PNOC: variants seen among roughly 807,000 people sequenced by gnomAD.
PNOC encodes the protein nociceptin.
A neutral mutation model predicts 15.6 loss-of-function variants in PNOC; 10 were observed. The ratio of observed to expected loss-of-function variants is 0.64; its 90% CI spans 0.40 to 1.09. The LOEUF is 1.09. Among genes scored for constraint, PNOC ranks in the 50% least tolerant of loss-of-function variants. The pLI, the probability that PNOC is intolerant of heterozygous loss-of-function variation, is 0.01. For missense variants in PNOC, 220 were observed against 223.9 expected (o/e 0.98, Z 0.11); for synonymous variants, 98 against 88.5 (o/e 1.11, Z -0.60).
At chr8:28,338,771 C>T (rs1801457998) in intron 2 of PNOC, 2 of 1,181,498 alleles carry the variant, frequency 1.7e-6, no homozygotes, top group South Asian at 3.8e-5. Context: ...CCTATGTTAA[C>T]GTGCTGTGAC....
chr8:28,320,850 C>CA (rs900121827), intron 1 of PNOC, among the ~76,000 whole-genome samples: 1,006 of 57,440 alleles, frequency 0.018, 5 homozygotes, highest in South Asian at 0.023. Flanking sequence ...GACTCCATCT[C>CA]AAAAAAAAAA....
chr8:28,320,103 T>TC (rs1801125192), intron 1 of PNOC, among the ~76,000 whole-genome samples: 1 of 129,392 alleles, frequency 7.7e-6, no homozygotes, highest in Non-Finnish European at 1.6e-5. Context: ...TTTTTTTTTT[T>TC]TTTTTTTTTT....
intron 1 of PNOC, among the ~76,000 whole-genome samples, chr8:28,328,587 A>G (rs1214153982): frequency 2.0e-5 from 3 of 152,162 alleles, no homozygotes; most frequent in South Asian, 2.1e-4. Context: ...CATTTGAGTC[A>G]TTAATAAATG....
chr8:28,325,079 G>T (rs1462317836), intron 1 of PNOC, among the ~76,000 whole-genome samples: 1 of 152,188 alleles, frequency 6.6e-6, no homozygotes, highest in Non-Finnish European at 1.5e-5. Flanking sequence ...GCTGTGATCG[G>T]AAGCAGGCAG....
At chr8:28,317,081 G>A (rs1178620048), upstream of PNOC, 1 of 152,418 alleles carries the variant, frequency 6.6e-6, no homozygotes, top group African/African-American at 2.4e-5. Flanking sequence ...ATGGATTGAT[G>A]GGGAGGTGGG....
chr8:28,333,219 T>G (rs1585835965), intron 2 of PNOC, among the ~76,000 whole-genome samples: 2 of 152,144 alleles, frequency 1.3e-5, no homozygotes, highest in African/African-American at 4.8e-5. Flanking sequence ...GCTCCTTTCA[T>G]CCCCAATGGG....
intron 2 of PNOC, among the ~76,000 whole-genome samples, chr8:28,331,314 T>G (rs1167177774): frequency 6.6e-6 from 1 of 152,194 alleles, no homozygotes; most frequent in Non-Finnish European, 1.5e-5. Context: ...ATCCACCGTG[T>G]TTCTCTCTGA....
chr8:28,335,386 G>T (rs1342208688), intron 2 of PNOC, among the ~76,000 whole-genome samples: 1 of 152,174 alleles, frequency 6.6e-6, no homozygotes, highest in Non-Finnish European at 1.5e-5. Context: ...AAATGCAAAG[G>T]TTGAATTATA....
chr8:28,324,663 A>C (rs963365572), intron 1 of PNOC, among the ~76,000 whole-genome samples: 5 of 152,214 alleles, frequency 3.3e-5, no homozygotes, highest in Non-Finnish European at 7.3e-5. Context: ...CAGGAGTTCG[A>C]GACCAGCTTG....
rs1301864775 is a variant in PNOC at position 28,343,063 on chromosome 8, G to T, written c.*169G>T. ...ATCCCGCAGGCTTCGTTTGCCTCCA[G>T]AACCTTCCCGTCTGATTGTTCCTCC... On this transcript the variant is annotated 3_prime_UTR_variant, in exon 4 of 4. Transcript: ENST00000301908. 7.9e-6 allele frequency: 7 copies of T among 880,752 alleles called. No individual in the cohort carries two copies. Among genetic ancestry groups the T allele is most frequent in the African/African-American group, 5.4e-5 (3 of 55,266 alleles). 54.6% of individuals were successfully genotyped at this position (880,752 alleles called of 1,614,324 possible). A position where few individuals can be genotyped will look rare whatever the true frequency, so the allele number is the denominator to read the frequency against.
In PNOC at chr8:28,339,415, C is replaced by T. The variant is rs1184684328; in HGVS notation, c.502C>T (p.Arg168Cys). 2 of 1,547,088 alleles carry T rather than the reference C, an allele frequency of 1.3e-6. No homozygotes were observed. The highest frequency in any genetic ancestry group is 1.2e-5 in the South Asian group (1 of 81,746). ...GAGCATGCAGTCCAGCCAGCGCCGG[C>T]GCACCCTGCACCAGAATGGTAATGT... ...VLSMQSSQRR[R>C]TLHQNGNV The change falls in exon 3 of 4, where the codon CGC (arginine) becomes TGC (cysteine). Residue 168 changes from arginine (R) to cysteine (C), a missense_variant. Physicochemically the swap from Arg to Cys is radical, Grantham distance 180. Transcript: ENST00000301908.
Position 28,342,880 on chromosome 8 carries a change from A to T in PNOC, c.*48-62A>T, listed in dbSNP as rs530505049. The T allele has an allele frequency of 6.9e-5, 42 of 607,796 alleles. No individual in the cohort carries two copies. In the African/African-American group the frequency reaches 6.9e-4, roughly 10 times the overall value. The allele number at this position is 607,796 out of a possible 1,614,324, so 37.7% of individuals were successfully genotyped here. A position where few individuals can be genotyped will look rare whatever the true frequency, so the allele number is the denominator to read the frequency against. The stretch of plus-strand genomic sequence containing the variant: ...TTTCACTGCTTCCGTCTCTAGGGGG[A>T]ATAGAAAAGGGTCAGAAAAACCATC... On this transcript the variant is annotated intron_variant, in intron 3 of 3. Coordinates refer to ENST00000301908, the MANE Select transcript of PNOC (RefSeq NM_006228.5).
At chr8:28,333,101 T>C (rs914733200) in intron 2 of PNOC, among the ~76,000 whole-genome samples, 1 of 152,230 alleles carries the variant, frequency 6.6e-6, no homozygotes, top group Admixed American at 6.5e-5. Flanking sequence ...GCTGTATTTG[T>C]CCTCAGATAT....
chr8:28,320,367 A>G (rs539062611), intron 1 of PNOC, among the ~76,000 whole-genome samples: 1 of 152,160 alleles, frequency 6.6e-6, no homozygotes, highest in Admixed American at 6.5e-5. Context: ...GGAGCCACAC[A>G]GAGCAAGTGC....
chr8:28,339,826 T>C (rs1335683762), intron 3 of PNOC: 1 of 170,138 alleles, frequency 5.9e-6, no homozygotes, highest in Non-Finnish European at 1.2e-5. Flanking sequence ...CAGCAACCAG[T>C]CAGCTCACCT....
intron 2 of PNOC, among the ~76,000 whole-genome samples, chr8:28,337,581 CTTTTT>C (rs10685321): frequency 1.7e-5 from 2 of 117,152 alleles, no homozygotes; most frequent in Admixed American, 2.0e-4. Flanking sequence ...ATTACGTTTC[CTTTTT>C]TTTTTTTTTT....
chr8:28,333,093 T>C (rs1346844962), intron 2 of PNOC, among the ~76,000 whole-genome samples: 1 of 152,368 alleles, frequency 6.6e-6, no homozygotes, highest in East Asian at 1.9e-4. Context: ...GCTCATCTGC[T>C]GTATTTGTCC....
intron 2 of PNOC, among the ~76,000 whole-genome samples, chr8:28,334,073 C>CAT (rs936693029): frequency 6.8e-6 from 1 of 148,024 alleles, no homozygotes; most frequent in Non-Finnish European, 1.5e-5. Context: ...CACACACACA[C>CAT]ACACACACAC....
intron 2 of PNOC, among the ~76,000 whole-genome samples, chr8:28,333,762 T>C (rs1311869833): frequency 6.6e-6 from 1 of 152,194 alleles, no homozygotes; most frequent in African/African-American, 2.4e-5. Flanking sequence ...ACTCTTCCAC[T>C]TGTTTCCATA....
Sources: gnomAD v4.1 joint callset for allele counts (sites outside exome capture counted in the v4.1 genomes callset) on GRCh38, gnomAD v4.1.1 for gene constraint, MANE v1.5 for transcripts, NCBI Gene and HGNC (gene_info 2026-07-23, HGNC 2026-07-21) for gene names.